TMEM135: variants seen among roughly 807,000 people sequenced by gnomAD.
TMEM135 encodes transmembrane protein 135.
A neutral mutation model predicts 60.3 loss-of-function variants in TMEM135; 30 were observed. The ratio of observed to expected loss-of-function variants is 0.50; its 90% CI spans 0.37 to 0.68. TMEM135 has a LOEUF of 0.68. Ranked by LOEUF, TMEM135 falls within the 30% of genes least tolerant of loss-of-function variation. The pLI is 0.00. For missense variants in TMEM135, 468 were observed against 548.8 expected (o/e 0.85, Z 1.47); for synonymous variants, 190 against 186.7 (o/e 1.02, Z -0.14).
intron 2 of TMEM135, among the ~76,000 whole-genome samples, chr11:87,068,736 G>A (rs915915406): frequency 4.6e-5 from 7 of 151,332 alleles, no homozygotes; most frequent in Non-Finnish European, 8.8e-5. Flanking sequence ...GCATAAACCC[G>A]GGAGGCGGAG....
At chr11:87,062,459 C>CATTT (rs1234536666) in intron 1 of TMEM135, among the ~76,000 whole-genome samples, 1 of 120,616 alleles carries the variant, frequency 8.3e-6, no homozygotes, top group Non-Finnish European at 1.6e-5. Context: ...CTTCTAATAT[C>CATTT]ATTTATTTAT....
At chr11:87,056,316 C>T (rs1474655660) in intron 1 of TMEM135, among the ~76,000 whole-genome samples, 1 of 152,208 alleles carries the variant, frequency 6.6e-6, no homozygotes, top group Admixed American at 6.5e-5. Flanking sequence ...TCCTAGCCCT[C>T]ACTCAAAATG....
chr11:87,246,523 C>A (rs1268285165), intron 6 of TMEM135, among the ~76,000 whole-genome samples: 1 of 152,114 alleles, frequency 6.6e-6, no homozygotes, highest in Non-Finnish European at 1.5e-5. Flanking sequence ...TCACATAGTC[C>A]CATATTTCTT....
At chr11:87,302,234 T>TG in intron 7 of TMEM135, 62 bp from the exon 8 acceptor site, 1 of 1,548,666 alleles carries the variant, frequency 6.5e-7, no homozygotes, top group Admixed American at 1.9e-5. Flanking sequence ...ACAAAGTCTT[T>TG]TTTTTTTCCT....
chr11:87,232,158 A>G (rs1940902536), intron 5 of TMEM135, among the ~76,000 whole-genome samples: 1 of 151,930 alleles, frequency 6.6e-6, no homozygotes, highest in Admixed American at 6.6e-5. Context: ...GCCATGTTGG[A>G]CAGACTGGTC....
At chr11:87,272,957 G>A (rs1340242430) in intron 6 of TMEM135, among the ~76,000 whole-genome samples, 1 of 152,082 alleles carries the variant, frequency 6.6e-6, no homozygotes, top group Admixed American at 6.6e-5. Flanking sequence ...TAAGCTTTTA[G>A]GCTATAGCCG....
chr11:87,314,933 T>C (rs181835850), intron 12 of TMEM135, among the ~76,000 whole-genome samples: 1 of 151,962 alleles, frequency 6.6e-6, no homozygotes, highest in Admixed American at 6.6e-5. Flanking sequence ...TAAAGGCTTT[T>C]TCAAAACAAA....
intron 1 of TMEM135, among the ~76,000 whole-genome samples, chr11:87,066,779 C>CT (rs201355341): frequency 0.082 from 10,572 of 128,952 alleles, 780 homozygotes; most frequent in East Asian, 0.17. Flanking sequence ...TTACTAGATT[C>CT]TTTCTTTTTT....
intron 6 of TMEM135, among the ~76,000 whole-genome samples, chr11:87,267,212 A>T (rs1461361142): frequency 1.3e-5 from 2 of 152,226 alleles, no homozygotes; most frequent in Non-Finnish European, 2.9e-5. Flanking sequence ...TAACAAGTTA[A>T]CAAAAAGCAA....
chr11:87,269,288 T>TC (rs1565149568), intron 6 of TMEM135, among the ~76,000 whole-genome samples: 1 of 143,376 alleles, frequency 7.0e-6, no homozygotes, highest in African/African-American at 2.5e-5. Context: ...GGGTTTTTTT[T>TC]TTTTTTTTTA....
intron 6 of TMEM135, 53 bp from the exon 7 acceptor site, chr11:87,295,729 T>G: frequency 2.8e-6 from 4 of 1,446,004 alleles, no homozygotes; most frequent in Middle Eastern, 1.8e-4. Context: ...ATTGAATAGG[T>G]ACTTGTATCT....
intron 3 of TMEM135, among the ~76,000 whole-genome samples, chr11:87,081,052 C>G (rs942055431): frequency 6.6e-6 from 1 of 151,288 alleles, no homozygotes; most frequent in Non-Finnish European, 1.5e-5. Flanking sequence ...GAGTGTATTT[C>G]TTTCCAGTTA....
rs1450663865 is a variant in TMEM135 at position 87,040,831 on chromosome 11, T to TA, written c.141+2646dup. Among the ~76,000 whole-genome samples the TA allele has an allele frequency of 5.9e-5, 9 of 152,304 alleles. No individual in the cohort carries two copies. In the East Asian group the frequency reaches 1.4e-3, roughly 23 times the overall value. On this transcript the variant is annotated intron_variant, in intron 1 of 14. Coordinates refer to ENST00000305494, the MANE Select transcript of TMEM135 (RefSeq NM_022918.4). ...TAGTTTATCATAGGTTTTGAATAGT[T>TA]ACGCATATTTTTCTTCCTCCCTTCT...
intron 5 of TMEM135, among the ~76,000 whole-genome samples, chr11:87,169,304 T>A (rs1939161983): frequency 6.7e-6 from 1 of 149,914 alleles, no homozygotes; most frequent in Non-Finnish European, 1.5e-5. Flanking sequence ...CATTTACATT[T>A]AAGGTTAATA....
At position 87,325,428 on chromosome 11, in the gene TMEM135, G is replaced by A. The variant is rs1942897803; in HGVS notation, c.*4095G>A. ...ACACAGAAGAAAATGATTGACTTTT[G>A]GTTGGAGGAAAGAATTTATATCTGG... On this transcript the variant is annotated 3_prime_UTR_variant, in exon 15 of 15. Coordinates refer to ENST00000305494, the MANE Select transcript of TMEM135 (RefSeq NM_022918.4). The A allele has an allele frequency of 2.2e-6, 1 of 453,892 alleles. No homozygotes were observed. The highest frequency in any genetic ancestry group is 4.4e-6 in the Non-Finnish European group (1 of 226,744). The allele number at this position is 453,892 out of a possible 1,614,324, so 28.1% of individuals were successfully genotyped here.
At position 87,328,704 on chromosome 11, in the gene TMEM135, T is replaced by G. The variant is rs1466500407; in HGVS notation, c.*7371T>G. On this transcript the variant is annotated 3_prime_UTR_variant, in exon 15 of 15. Transcript: ENST00000305494. ...TTTTATTTTTTATGGCTGAGTAGTA[T>G]TCCATGGTGCATATATACCACATTT... The G allele has an allele frequency of 2.2e-6, 1 of 454,132 alleles. No individual in the cohort carries two copies. Among genetic ancestry groups the G allele is most frequent in the Admixed American group, 2.3e-5 (1 of 42,578 alleles). The allele number at this position is 454,132 out of a possible 1,614,324, so 28.1% of individuals were successfully genotyped here.
At chr11:87,295,930 A>C in intron 7 of TMEM135, 107 bp downstream of exon 7, 1 of 919,346 alleles carries the variant, frequency 1.1e-6, no homozygotes, top group Non-Finnish European at 1.7e-6. Context: ...ACTGAAAATA[A>C]TTTTAGAATT....
intron 3 of TMEM135, among the ~76,000 whole-genome samples, chr11:87,080,636 C>G (rs954893347): frequency 6.6e-6 from 1 of 151,998 alleles, no homozygotes; most frequent in Non-Finnish European, 1.5e-5. Context: ...ATGGAATGTC[C>G]TTCTGTAGCT....
intron 12 of TMEM135, among the ~76,000 whole-genome samples, chr11:87,316,643 A>G (rs1483628688): frequency 6.6e-6 from 1 of 152,026 alleles, no homozygotes; most frequent in Non-Finnish European, 1.5e-5. Context: ...AATTGGCAAG[A>G]CTTGCTAATG....
Sources: gnomAD v4.1 joint callset for allele counts (sites outside exome capture counted in the v4.1 genomes callset) on GRCh38, gnomAD v4.1.1 for gene constraint, MANE v1.5 for transcripts, NCBI Gene and HGNC (gene_info 2026-07-23, HGNC 2026-07-21) for gene names.